PCDHGB6: variants seen among roughly 807,000 people sequenced by gnomAD.
PCDHGB6 encodes protocadherin gamma subfamily B, 6.
PCDHGB6 carries 51 observed loss-of-function variants against 59.1 expected under a neutral mutation model. That is an observed-to-expected ratio of 0.86 (90% CI 0.69 to 1.09). PCDHGB6 has a LOEUF of 1.09. Among genes scored for constraint, PCDHGB6 ranks in the 50% least tolerant of loss-of-function variants. The pLI is 0.00. For synonymous variants in PCDHGB6, 466 were observed against 495.1 expected (o/e 0.94, Z 0.78); for missense variants, 1,148 against 1,205.1 (o/e 0.95, Z 0.70).
At chr5:141,438,631 TATATACAC>T (rs1213304454) in intron 1 of PCDHGB6, among the ~76,000 whole-genome samples, 683 of 43,114 alleles carry the variant, frequency 0.016, 2 homozygotes, top group African/African-American at 0.049. Context: ...TATATATATA[TATATACAC>T]ACACACACAC....
At chr5:141,471,046 C>G (rs960750377) in intron 1 of PCDHGB6, among the ~76,000 whole-genome samples, 3 of 113,280 alleles carry the variant, frequency 2.6e-5, no homozygotes, top group African/African-American at 1.1e-4. Context: ...CCCAAGCCCT[C>G]TTTTTTTTTT....
At position 141,491,942 on chromosome 5, in the gene PCDHGB6, C is replaced by T. The variant is rs932715298; in HGVS notation, c.2419-2865C>T. 6.4e-5 allele frequency: 72 copies of T among 1,122,376 alleles called. No individual in the cohort carries two copies. Among genetic ancestry groups the T allele is most frequent in the Admixed American group, 3.5e-5 (1 of 28,738 alleles). 69.5% of individuals were successfully genotyped at this position (1,122,376 alleles called of 1,614,324 possible). A position where few individuals can be genotyped will look rare whatever the true frequency, so the allele number is the denominator to read the frequency against. ...GGCGAGGGGAGGTGGGACCGACCCC[C>T]ACCCCTACACTCAAAAAAGGCCGGG... is the stretch of plus-strand genomic sequence containing the variant. On this transcript the variant is annotated intron_variant, in intron 1 of 3. Transcript: ENST00000520790. The surrounding 1 kb of genome is among the most constrained non-coding windows in gnomAD (Gnocchi z 6.9).
chr5:141,423,759 G>GGC, intron 1 of PCDHGB6: 9 of 321,042 alleles, frequency 2.8e-5, no homozygotes, highest in Non-Finnish European at 3.6e-5. Context: ...TTGGGGGGGG[G>GGC]GTGGGGCGGC....
intron 1 of PCDHGB6, among the ~76,000 whole-genome samples, chr5:141,483,160 T>C (rs1199191595): frequency 6.6e-6 from 1 of 152,176 alleles, no homozygotes; most frequent in Non-Finnish European, 1.5e-5. Flanking sequence ...AGTTAGATCC[T>C]GAGTTACCTT....
At chr5:141,414,623 C>T (rs998923536) in intron 1 of PCDHGB6, 2 of 1,613,820 alleles carry the variant, frequency 1.2e-6, no homozygotes, top group African/African-American at 1.3e-5. Flanking sequence ...GCGCTGGACC[C>T]GGACAGCAAA....
intron 1 of PCDHGB6, chr5:141,423,694 T>C (rs1008861889): frequency 1.3e-6 from 2 of 1,501,552 alleles, no homozygotes; most frequent in Middle Eastern, 1.8e-4. Flanking sequence ...TAATTGTTGG[T>C]GTCTTGGCAC....
chr5:141,424,036 C>A, intron 1 of PCDHGB6: 1 of 1,029,606 alleles, frequency 9.7e-7, no homozygotes, highest in Non-Finnish European at 1.2e-6. Context: ...CTTTTTATTT[C>A]CATTTCAATT....
Position 141,418,737 on chromosome 5 carries a change from C to T in PCDHGB6, c.2418+8117C>T, listed in dbSNP as rs768683069. 7.4e-6 allele frequency: 12 copies of T among 1,613,960 alleles called. No homozygotes were observed. The South Asian group carries it at 1.3e-4, about 18-fold the overall frequency. ...GCTGACAAAGCTCAGCACGTGTTCT[C>T]TCTGGATTACACTACAGGAAACATT... On this transcript the variant is annotated intron_variant, in intron 1 of 3. Coordinates refer to ENST00000520790, the MANE Select transcript of PCDHGB6 (RefSeq NM_018926.3).
intron 1 of PCDHGB6, among the ~76,000 whole-genome samples, chr5:141,473,195 C>G (rs1053769499): frequency 6.6e-6 from 1 of 152,104 alleles, no homozygotes; most frequent in Non-Finnish European, 1.5e-5. Flanking sequence ...GTAAATGTAT[C>G]TTCTAAAAAA....
At chr5:141,482,841 G>A (rs1401298303) in intron 1 of PCDHGB6, among the ~76,000 whole-genome samples, 1 of 139,444 alleles carries the variant, frequency 7.2e-6, no homozygotes, top group Non-Finnish European at 1.5e-5. Flanking sequence ...GGAGGCCAAG[G>A]TGGGCAGATC....
At chr5:141,501,127 T>C (rs2099805755) in intron 2 of PCDHGB6, among the ~76,000 whole-genome samples, 5 of 152,024 alleles carry the variant, frequency 3.3e-5, no homozygotes, top group Non-Finnish European at 7.4e-5. Context: ...TCAGCCTCCC[T>C]AAGTGCTGGG....
chr5:141,421,787 C>A (rs753196648), intron 1 of PCDHGB6: 1 of 1,613,812 alleles, frequency 6.2e-7, no homozygotes, highest in East Asian at 2.2e-5. Flanking sequence ...CGGGGCAGAA[C>A]GGATGGGGCC....
intron 1 of PCDHGB6, among the ~76,000 whole-genome samples, chr5:141,464,964 A>G (rs1433148254): frequency 6.6e-6 from 1 of 152,030 alleles, no homozygotes; most frequent in Non-Finnish European, 1.5e-5. Flanking sequence ...CTTGTCTTGA[A>G]CTACTGGCTT....
chr5:141,456,814 ATTAGCCATCGTGG>A (rs2098889077), intron 1 of PCDHGB6, among the ~76,000 whole-genome samples: 1 of 151,928 alleles, frequency 6.6e-6, no homozygotes, highest in Non-Finnish European at 1.5e-5. Context: ...AATACAAAAA[ATTAGCCATCGTGG>A]TAGTGGGCGC....
At chr5:141,506,130 GAGA>G (rs560751517) in intron 3 of PCDHGB6, among the ~76,000 whole-genome samples, 2 of 152,170 alleles carry the variant, frequency 1.3e-5, no homozygotes, top group Admixed American at 1.3e-4. Context: ...CCCAGAGCAG[GAGA>G]AGAAGAATAT....
intron 1 of PCDHGB6, among the ~76,000 whole-genome samples, chr5:141,482,804 G>T (rs1431490730): frequency 6.6e-6 from 1 of 152,194 alleles, no homozygotes; most frequent in East Asian, 1.9e-4. Flanking sequence ...GGGTACGGTG[G>T]CTCATGCCTG....
At chr5:141,478,051 G>A (rs751371411) in intron 1 of PCDHGB6, 2 of 1,614,088 alleles carry the variant, frequency 1.2e-6, no homozygotes, top group East Asian at 2.2e-5. Context: ...AGACTCTCAC[G>A]GTCTTGATCA....
intron 1 of PCDHGB6, among the ~76,000 whole-genome samples, chr5:141,429,602 C>T (rs548994907): frequency 1.1e-4 from 16 of 152,218 alleles, no homozygotes; most frequent in African/African-American, 3.6e-4. Flanking sequence ...TTCAAGTAAA[C>T]TCAATTTTAT....
rs1005052894 is a variant in PCDHGB6, at chr5:141,408,674, A to C, written c.472A>C (p.Thr158Pro). ...AGTRLSLDPATDPDININSIK... is the reference protein window; with the variant it reads ...AGTRLSLDPAPDPDININSIK... ...TACACGACTATCGCTTGACCCTGCC[A>C]CGGATCCTGATATAAACATAAACTC... The change falls in exon 1 of 4, where the codon ACG becomes CCG. Residue 158 changes from threonine to proline, a missense_variant. Thr to Pro is a conservative substitution (Grantham distance 38). Around this residue, in one of 5 missense-constraint regions of PCDHGB6, gnomAD observed 307 missense variants for 323.8 expected, o/e 0.95. Transcript: ENST00000520790. The C allele has an allele frequency of 6.2e-7, 1 of 1,613,882 alleles. No individual in the cohort carries two copies. Among genetic ancestry groups the C allele is most frequent in the African/African-American group, 1.3e-5 (1 of 74,926 alleles).
Sources: gnomAD v4.1 joint callset for allele counts (sites outside exome capture counted in the v4.1 genomes callset) on GRCh38, gnomAD v4.1.1 for gene constraint, gnomAD v4.1.1 regional missense constraint, Gnocchi (gnomAD v3.1) non-coding constraint, MANE v1.5 for transcripts, NCBI Gene and HGNC (gene_info 2026-07-23, HGNC 2026-07-21) for gene names.